Variants in LNX2 observed in about 807,000 individuals in gnomAD.
The protein encoded by LNX2 is ligand of Numb protein X 2.
Under a neutral mutation model 66.2 loss-of-function variants are expected in LNX2, and 35 were observed. That is an observed-to-expected ratio of 0.53 (90% CI 0.40 to 0.70). LNX2 has a LOEUF of 0.70. LNX2 is among the 30% of genes least tolerant of loss of function. The probability of loss-of-function intolerance (pLI) is 0.00; values close to 1 mark genes in which losing one functional copy is unlikely to be tolerated. For synonymous variants in LNX2, 337 were observed against 315.6 expected, an observed-to-expected ratio of 1.07 and a Z score of -0.72; for missense variants, 791 against 850.8, an observed-to-expected ratio of 0.93 and a Z score of 0.87.
In LNX2 at chr13:27,569,161, A is replaced by G. The variant is rs1369618498; in HGVS notation, c.523T>C (p.Ser175Pro). Residue 175 changes from serine (S) to proline (P), a missense_variant, in exon 3 of 10, where the codon TCT (serine) becomes CCT (proline). Ser to Pro is a moderately conservative substitution (Grantham distance 74). Transcript: ENST00000316334. ...PTLLDPAGTL[S>P]PEADCLGTGA... is the part of the protein sequence containing the mutation. ...GTCCCCAAACAGTCTGCTTCTGGAG[A>G]TAAGGTACCTGCAGGATCTAGTAGA... 1 of 1,612,518 alleles carries G rather than the reference A, an allele frequency of 6.2e-7. No individual in the cohort carries two copies.
At chr13:27,611,219 C>G (rs1955769042) in intron 1 of LNX2, among the ~76,000 whole-genome samples, 1 of 152,202 alleles carries the variant, frequency 6.6e-6, no homozygotes, top group Non-Finnish European at 1.5e-5. Context: ...TGTCTACCGA[C>G]AGATAAACAA....
At chr13:27,611,567 C>T (rs1164947264) in intron 1 of LNX2, among the ~76,000 whole-genome samples, 6 of 152,034 alleles carry the variant, frequency 3.9e-5, no homozygotes, top group African/African-American at 9.7e-5. Flanking sequence ...AAAATGGTTA[C>T]GATAGTAAAT....
At chr13:27,582,649 C>G (rs1239293870) in intron 1 of LNX2, among the ~76,000 whole-genome samples, 1 of 152,026 alleles carries the variant, frequency 6.6e-6, no homozygotes, top group Non-Finnish European at 1.5e-5. Flanking sequence ...GAACAGAAAA[C>G]CAAACACCAC....
intron 1 of LNX2, among the ~76,000 whole-genome samples, chr13:27,616,771 A>T (rs1307073594): frequency 1.3e-5 from 2 of 152,184 alleles, no homozygotes; most frequent in African/African-American, 4.8e-5. Context: ...CTTTTTTGAG[A>T]TGGAGTCTAG....
At chr13:27,602,070 A>C (rs1227023280) in intron 1 of LNX2, among the ~76,000 whole-genome samples, 1 of 152,154 alleles carries the variant, frequency 6.6e-6, no homozygotes, top group Non-Finnish European at 1.5e-5. Flanking sequence ...TATCAACTGA[A>C]GTTCCTATTT....
At chr13:27,618,304 G>A (rs1174265576) in intron 1 of LNX2, among the ~76,000 whole-genome samples, 2 of 152,158 alleles carry the variant, frequency 1.3e-5, no homozygotes, top group Non-Finnish European at 2.9e-5. Context: ...ACTATTCTAA[G>A]TAATAGACAT....
chr13:27,605,236 T>C (rs1383320057), intron 1 of LNX2, among the ~76,000 whole-genome samples: 2 of 152,206 alleles, frequency 1.3e-5, no homozygotes, highest in African/African-American at 4.8e-5. Context: ...AATAGAGAGA[T>C]GAATGGCAGA....
chr13:27,552,572 C>T (rs1211999398), intron 8 of LNX2, among the ~76,000 whole-genome samples: 1 of 150,512 alleles, frequency 6.6e-6, no homozygotes, highest in Non-Finnish European at 1.5e-5. Context: ...CACATTCTTC[C>T]TATCTCAAAT....
At chr13:27,612,543 G>A (rs1168554409) in intron 1 of LNX2, among the ~76,000 whole-genome samples, 1 of 152,046 alleles carries the variant, frequency 6.6e-6, no homozygotes, top group Non-Finnish European at 1.5e-5. Flanking sequence ...TGAGCCACAT[G>A]TGTCATTTCA....
intron 1 of LNX2, among the ~76,000 whole-genome samples, chr13:27,609,991 C>T (rs656112): frequency 0.55 from 83,092 of 151,998 alleles, 23,274 homozygotes; most frequent in South Asian, 0.63. Context: ...TCAATTAATA[C>T]ATCTCATCTA....
At chr13:27,569,946 C>T (rs899402196) in intron 2 of LNX2, among the ~76,000 whole-genome samples, 1 of 152,096 alleles carries the variant, frequency 6.6e-6, no homozygotes, top group Non-Finnish European at 1.5e-5. Flanking sequence ...TACATAAACA[C>T]CCAGAAATCA....
intron 1 of LNX2, among the ~76,000 whole-genome samples, chr13:27,609,371 G>T (rs911386555): frequency 6.6e-6 from 1 of 151,706 alleles, no homozygotes; most frequent in Non-Finnish European, 1.5e-5. Flanking sequence ...GGCCAGGCTG[G>T]TCTCGAACTC....
In LNX2 at chr13:27,548,308, G is replaced by C. The variant is rs1954966859; in HGVS notation, c.*27C>G. The C allele has an allele frequency of 1.3e-6, 2 of 1,594,284 alleles. No homozygotes were observed. The highest frequency in any genetic ancestry group is 1.4e-5 in the African/African-American group (1 of 73,994). On this transcript the variant is annotated 3_prime_UTR_variant, in exon 10 of 10. Transcript: ENST00000316334. Reference sequence around the variant, plus strand: ...TTTCAAAAATCTAAAAAAGGAAGATGCAAGATTTGAAACCAATTTCCAAAA... The same window carrying C: ...TTTCAAAAATCTAAAAAAGGAAGATCCAAGATTTGAAACCAATTTCCAAAA...
In LNX2 at chr13:27,569,179, C is replaced by T; in HGVS notation, c.505G>A (p.Asp169Asn). ...IENENGPTLLDPAGTLSPEAD... is the reference protein window; with the variant it reads ...IENENGPTLLNPAGTLSPEAD... The stretch of plus-strand genomic sequence containing the variant: ...TCTGGAGATAAGGTACCTGCAGGAT[C>T]TAGTAGAGTGGGCCCATTTTCATTC... Residue 169 changes from aspartate to asparagine, a missense_variant, in exon 3 of 10, where the codon GAT becomes AAT. Physicochemically the swap from Asp to Asn is conservative, Grantham distance 23. Coordinates refer to ENST00000316334, the MANE Select transcript of LNX2 (RefSeq NM_153371.4). The T allele has an allele frequency of 2.5e-6, 4 of 1,613,096 alleles. No individual in the cohort carries two copies. Among genetic ancestry groups the T allele is most frequent in the Non-Finnish European group, 2.5e-6 (3 of 1,179,606 alleles).
chr13:27,583,182 G>A (rs921127053), intron 1 of LNX2, among the ~76,000 whole-genome samples: 31 of 1,246 alleles, frequency 0.025, 2 homozygotes, highest in South Asian at 0.077. Flanking sequence ...GTGTGTGTGT[G>A]TGTGTGTGTG....
chr13:27,559,155 A>C (rs1478511730), intron 6 of LNX2, among the ~76,000 whole-genome samples: 2 of 152,182 alleles, frequency 1.3e-5, no homozygotes, highest in Non-Finnish European at 2.9e-5. Flanking sequence ...TCATCCTTTC[A>C]GATTTTTGGA....
chr13:27,557,250 G>A (rs1441994070), intron 6 of LNX2, among the ~76,000 whole-genome samples: 1 of 152,004 alleles, frequency 6.6e-6, no homozygotes, highest in Non-Finnish European at 1.5e-5. Context: ...CAAAAGTCCT[G>A]AAATTATATA....
chr13:27,560,765 C>T (rs1294237000), intron 5 of LNX2, among the ~76,000 whole-genome samples: 7 of 151,900 alleles, frequency 4.6e-5, no homozygotes, highest in Admixed American at 3.9e-4. Flanking sequence ...TTATTTGATG[C>T]TGACTCTTGG....
intron 6 of LNX2, 81 bp from the exon 7 acceptor site, chr13:27,556,494 A>T (rs1955062849): frequency 1.8e-6 from 2 of 1,114,576 alleles, no homozygotes; most frequent in African/African-American, 1.6e-5. Flanking sequence ...CTAAGGTAAT[A>T]ACTTACATGG....
Sources: allele counts gnomAD v4.1 joint callset (sites outside exome capture counted in the v4.1 genomes callset), GRCh38; gene constraint gnomAD v4.1.1; transcripts MANE v1.5; gene names NCBI Gene and HGNC (gene_info 2026-07-23, HGNC 2026-07-21).